Variants in TDRP observed in about 807,000 individuals in gnomAD.
The protein encoded by TDRP is testis development related protein, also known as testis development-related protein.
In TDRP, 12 loss-of-function variants were observed where a neutral mutation model predicts 10.5. The observed-to-expected ratio is 1.15, with a 90% CI of 0.73 to 1.86. The LOEUF (loss-of-function observed/expected upper bound fraction) is 1.86. Ranked by LOEUF, TDRP falls within the 40% of genes most tolerant of loss-of-function variation. The pLI, the probability that TDRP is intolerant of heterozygous loss-of-function variation, is 0.00. For synonymous variants in TDRP, 139 were observed against 95.4 expected, an observed-to-expected ratio of 1.46 and a Z score of -2.67; for missense variants, 353 against 229.2, an observed-to-expected ratio of 1.54 and a Z score of -3.49.
chr8:511,882 C>A (rs1280104052), intron 1 of TDRP, among the ~76,000 whole-genome samples: 1 of 151,880 alleles, frequency 6.6e-6, no homozygotes, highest in East Asian at 1.9e-4. Flanking sequence ...AGTGAAGACA[C>A]AACATACCAA....
intron 1 of TDRP, among the ~76,000 whole-genome samples, chr8:540,166 A>C (rs140751045): frequency 1.9e-3 from 295 of 152,342 alleles, no homozygotes; most frequent in African/African-American, 6.7e-3. Context: ...TTGAGGGCAG[A>C]GGTTAGAAGA....
At chr8:541,867 C>G (rs1047525956) in intron 1 of TDRP, among the ~76,000 whole-genome samples, 1 of 152,204 alleles carries the variant, frequency 6.6e-6, no homozygotes, top group Non-Finnish European at 1.5e-5. Flanking sequence ...AAACTAAACA[C>G]TCTCACCATG....
intron 1 of TDRP, among the ~76,000 whole-genome samples, chr8:511,203 A>G (rs1202508801): frequency 6.6e-6 from 1 of 152,212 alleles, no homozygotes; most frequent in African/African-American, 2.4e-5. Flanking sequence ...CTGGATTTTT[A>G]AAATACAATC....
chr8:517,819 C>T lies in TDRP; in HGVS notation c.109-23222G>A, dbSNP rs1462332371. 2.6e-5 allele frequency among the ~76,000 whole-genome samples: 4 copies of T among 152,136 alleles called. No individual in the cohort carries two copies. The East Asian group carries it at 7.7e-4, about 29-fold the overall frequency. On this transcript the variant is annotated intron_variant, in intron 1 of 2. Transcript: ENST00000324079. ...ATTTTACAGAGTTTGGATTTTTCTG[C>T]CAACAAATACATCTTACTAAGTGAA...
intron 1 of TDRP, among the ~76,000 whole-genome samples, chr8:512,816 A>G (rs1323455101): frequency 1.3e-5 from 2 of 152,042 alleles, no homozygotes; most frequent in Admixed American, 1.3e-4. Flanking sequence ...TAATAAAAAT[A>G]CAAAAATTAG....
chr8:497,295 T>C (rs1801161743), intron 1 of TDRP, among the ~76,000 whole-genome samples: 1 of 152,170 alleles, frequency 6.6e-6, no homozygotes, highest in Non-Finnish European at 1.5e-5. Flanking sequence ...TAGTCTCAAA[T>C]GGAGATGAGG....
At chr8:506,038 T>C (rs182173621) in intron 1 of TDRP, among the ~76,000 whole-genome samples, 6 of 152,220 alleles carry the variant, frequency 3.9e-5, no homozygotes, top group Non-Finnish European at 8.8e-5. Context: ...GGTGTCCTCT[T>C]TCTCCTCACC....
intron 1 of TDRP, among the ~76,000 whole-genome samples, chr8:512,537 T>C (rs890559378): frequency 1.3e-5 from 2 of 152,130 alleles, no homozygotes; most frequent in African/African-American, 2.4e-5. Flanking sequence ...GACATTTCTA[T>C]TGACCTTATA....
intron 1 of TDRP, among the ~76,000 whole-genome samples, chr8:539,022 A>G (rs1802420763): frequency 2.0e-5 from 3 of 152,236 alleles, no homozygotes; most frequent in South Asian, 4.1e-4. Flanking sequence ...CTGCAGGCCT[A>G]TAATAGAAAG....
chr8:498,543 C>A (rs934603903), intron 1 of TDRP, among the ~76,000 whole-genome samples: 54 of 152,234 alleles, frequency 3.5e-4, no homozygotes, highest in African/African-American at 1.2e-3. Flanking sequence ...AAGGGACTTA[C>A]CTTGTCTTAG....
intron 1 of TDRP, among the ~76,000 whole-genome samples, chr8:495,827 C>G (rs1357910946): frequency 6.6e-6 from 1 of 152,160 alleles, no homozygotes; most frequent in Non-Finnish European, 1.5e-5. Context: ...CTGGGGGTCT[C>G]CAGGGTGTAA....
At chr8:520,863 G>C (rs557076798) in intron 1 of TDRP, among the ~76,000 whole-genome samples, 1 of 152,246 alleles carries the variant, frequency 6.6e-6, no homozygotes, top group East Asian at 1.9e-4. Context: ...ATATGGCTGA[G>C]AAATATTTAT....
intron 1 of TDRP, among the ~76,000 whole-genome samples, chr8:506,947 A>T (rs1801481864): frequency 1.3e-5 from 2 of 152,190 alleles, no homozygotes; most frequent in South Asian, 4.1e-4. Flanking sequence ...TGCTATAAAG[A>T]ATAATACCTG....
At chr8:544,587 A>C (rs1382187008) in intron 1 of TDRP, 63 bp downstream of exon 1, 16 of 1,102,924 alleles carry the variant, frequency 1.5e-5, no homozygotes, top group Non-Finnish European at 1.8e-5. Flanking sequence ...CGCGCCGCCC[A>C]CCCTCGCCCT....
chr8:515,579 G>A (rs961104319), intron 1 of TDRP, among the ~76,000 whole-genome samples: 3 of 152,156 alleles, frequency 2.0e-5, no homozygotes, highest in African/African-American at 7.2e-5. Context: ...CACATTTTTA[G>A]ATTAGAGATG....
At chr8:501,076 G>A (rs182055442) in intron 1 of TDRP, among the ~76,000 whole-genome samples, 1,882 of 152,016 alleles carry the variant, frequency 0.012, 29 homozygotes, top group South Asian at 0.07. Flanking sequence ...GTGATGGCGG[G>A]CGCCTGTAGT....
rs1279597422 is a variant in TDRP at position 544,638 on chromosome 8, G to T, written c.108+12C>A. ...CGGCCTACTAGCACTCCCCACCTGC[G>T]CACCCCCTCACCTGCGCCTGGGCGG... is the stretch of plus-strand genomic sequence containing the variant. On this transcript the variant is annotated intron_variant, in intron 1 of 2. Coordinates refer to ENST00000324079, the MANE Select transcript of TDRP (RefSeq NM_001384899.1). 2.4e-6 allele frequency: 3 copies of T among 1,233,204 alleles called. No individual in the cohort carries two copies. The Admixed American group carries it at 1.3e-4, about 54-fold the overall frequency. 76.4% of individuals were successfully genotyped at this position (1,233,204 alleles called of 1,614,324 possible).
chr8:524,110 C>A (rs1332587729), intron 1 of TDRP, among the ~76,000 whole-genome samples: 1 of 152,192 alleles, frequency 6.6e-6, no homozygotes, highest in African/African-American at 2.4e-5. Flanking sequence ...AGACAGACTC[C>A]ATTTGTTCGG....
At chr8:535,600 G>T (rs979557308) in intron 1 of TDRP, among the ~76,000 whole-genome samples, 5 of 152,066 alleles carry the variant, frequency 3.3e-5, no homozygotes, top group African/African-American at 4.8e-5. Flanking sequence ...AGCCCCACAT[G>T]TACATCCACT....
Sources: gnomAD v4.1 joint callset for allele counts (sites outside exome capture counted in the v4.1 genomes callset) on GRCh38, gnomAD v4.1.1 for gene constraint, MANE v1.5 for transcripts, NCBI Gene and HGNC (gene_info 2026-07-23, HGNC 2026-07-21) for gene names.